Variants in INSL6 observed in about 807,000 individuals in gnomAD.
INSL6 encodes insulin-like peptide INSL6.
In INSL6, 16 loss-of-function variants were observed where a neutral mutation model predicts 9.4. The ratio of observed to expected loss-of-function variants is 1.70; its 90% confidence interval spans 1.15 to 2.59. The LOEUF (loss-of-function observed/expected upper bound fraction) is 2.59, where lower values mean the gene tolerates loss of function less well. Ranked by LOEUF, INSL6 falls within the 30% of genes most tolerant of loss-of-function variation. INSL6 has a pLI of 0.00. For missense variants in INSL6, 391 were observed against 257.3 expected, an observed-to-expected ratio of 1.52 and a Z score of -3.56; for synonymous variants, 154 against 96.9, an observed-to-expected ratio of 1.59 and a Z score of -3.46.
At chr9:5,015,134 A>G in the INSL6 span, among the ~76,000 whole-genome samples, 1 of 152,238 alleles carries the variant, frequency 6.6e-6, no homozygotes, top group Non-Finnish European at 1.5e-5. Flanking sequence ...CAACTGAGGA[A>G]CAGATTCTGT....
At chr9:5,060,635 C>G in the INSL6 span, among the ~76,000 whole-genome samples, 3 of 152,204 alleles carry the variant, frequency 2.0e-5, no homozygotes, top group Admixed American at 2.0e-4. Flanking sequence ...CTTGCTATTT[C>G]TACCACATCC....
At chr9:5,146,038 G>T (rs912557495) in intron 2 of INSL6, among the ~76,000 whole-genome samples, 4 of 152,092 alleles carry the variant, frequency 2.6e-5, no homozygotes, top group African/African-American at 9.7e-5. Context: ...GGCTTTTTGA[G>T]TGTTCGCATT....
intron 3 of INSL6, chr9:5,126,111 G>T: frequency 5.0e-6 from 2 of 398,228 alleles, no homozygotes; most frequent in East Asian, 8.0e-5. Context: ...CTCCTCAGGG[G>T]ATTTGTGTTG....
chr9:5,116,732 TA>T, the INSL6 span, among the ~76,000 whole-genome samples: 6 of 152,178 alleles, frequency 3.9e-5, no homozygotes, highest in Admixed American at 2.6e-4. Flanking sequence ...GACTGTCCCT[TA>T]GTAGAAAGGC....
the INSL6 span, chr9:5,096,731 C>A: frequency 6.6e-6 from 1 of 152,194 alleles, no homozygotes; most frequent in Non-Finnish European, 1.5e-5. Flanking sequence ...ACCTGCTGTT[C>A]GGCGCATGAG....
At chr9:5,080,766 T>C in the INSL6 span, 3 of 1,087,414 alleles carry the variant, frequency 2.8e-6, no homozygotes, top group East Asian at 2.7e-5. Context: ...TTTAATTCCT[T>C]TAAAACATTT....
the INSL6 span, among the ~76,000 whole-genome samples, chr9:5,104,783 C>G: frequency 6.6e-6 from 1 of 152,262 alleles, no homozygotes; most frequent in East Asian, 1.9e-4. Context: ...TAATCCATAA[C>G]ATAAACAGAA....
intron 2 of INSL6, among the ~76,000 whole-genome samples, chr9:5,151,994 G>A (rs983790480): frequency 6.6e-6 from 1 of 152,096 alleles, no homozygotes; most frequent in Non-Finnish European, 1.5e-5. Flanking sequence ...AATATTAGCA[G>A]TGATAAAAGG....
chr9:5,085,128 A>G, the INSL6 span: 2 of 648,742 alleles, frequency 3.1e-6, no homozygotes, highest in Admixed American at 3.6e-5. Flanking sequence ...GTTTTACACC[A>G]TCACTCTGTA....
At chr9:5,054,694 A>C in the INSL6 span, 2 of 1,613,442 alleles carry the variant, frequency 1.2e-6, no homozygotes, top group Non-Finnish European at 1.7e-6. The surrounding 1 kb of genome is among the most constrained non-coding windows in gnomAD (Gnocchi z 4.9). Flanking sequence ...ACTGCCAGAA[A>C]CTTGAAACTT....
the INSL6 span, among the ~76,000 whole-genome samples, chr9:5,077,053 T>C: frequency 6.6e-6 from 1 of 152,010 alleles, no homozygotes; most frequent in African/African-American, 2.4e-5. Flanking sequence ...TATAGTACTA[T>C]AGACAATTGT....
chr9:5,119,686 TA>T (rs1283341635), downstream of INSL6, among the ~76,000 whole-genome samples: 28 of 152,082 alleles, frequency 1.8e-4, 1 homozygote, highest in Admixed American at 1.8e-3. Flanking sequence ...GTAAATGTGT[TA>T]GGGGGAGGTA....
chr9:5,140,297 T>C (rs1186036213), intron 2 of INSL6, among the ~76,000 whole-genome samples: 1 of 152,026 alleles, frequency 6.6e-6, no homozygotes, highest in Non-Finnish European at 1.5e-5. Context: ...CATCATATTT[T>C]CTCCAAAAAG....
chr9:5,154,573 A>T (rs1824779286), intron 2 of INSL6, among the ~76,000 whole-genome samples: 2 of 152,228 alleles, frequency 1.3e-5, no homozygotes, highest in African/African-American at 4.8e-5. Context: ...CAATCTACTC[A>T]TCTGACAAAG....
chr9:5,111,602 G>C, the INSL6 span: 1 of 368,150 alleles, frequency 2.7e-6, no homozygotes, highest in East Asian at 7.2e-5. Flanking sequence ...GAGTTCCCTG[G>C]GCCAGGTGGG....
the INSL6 span, among the ~76,000 whole-genome samples, chr9:5,068,861 T>C: frequency 6.6e-6 from 1 of 152,212 alleles, no homozygotes; most frequent in Non-Finnish European, 1.5e-5. Flanking sequence ...AATTGCCCTT[T>C]TGAGGAACTA....
At chr9:5,151,368 C>T (rs754348220) in intron 2 of INSL6, among the ~76,000 whole-genome samples, 13 of 151,736 alleles carry the variant, frequency 8.6e-5, no homozygotes, top group East Asian at 5.8e-4. Context: ...GAAAATAATG[C>T]GTGTACATGG....
At chr9:5,103,180 A>G in the INSL6 span, among the ~76,000 whole-genome samples, 23 of 143,750 alleles carry the variant, frequency 1.6e-4, no homozygotes, top group African/African-American at 6.0e-4. Flanking sequence ...CATGGGCTCA[A>G]AATAAAGGGA....
chr9:5,086,680 C>G, the INSL6 span, among the ~76,000 whole-genome samples: 1 of 152,064 alleles, frequency 6.6e-6, no homozygotes, highest in Admixed American at 6.5e-5. Context: ...ATGTAATAAC[C>G]TTACTTAGAA....
Sources: allele counts gnomAD v4.1 joint callset (sites outside exome capture counted in the v4.1 genomes callset), GRCh38; gene constraint gnomAD v4.1.1; non-coding constraint Gnocchi (gnomAD v3.1); transcripts MANE v1.5; gene names NCBI Gene and HGNC (gene_info 2026-07-23, HGNC 2026-07-21).